Variants in RPP38 observed in about 807,000 individuals in gnomAD.
The protein encoded by RPP38 is ribonuclease P protein subunit p38.
Under a neutral mutation model 1.7 loss-of-function variants are expected in RPP38, and 2 were observed. The observed-to-expected ratio is 1.18, with a 90% CI of 0.48 to 3.70. RPP38 has a LOEUF of 3.70. Ranked by LOEUF, RPP38 falls within the 30% of genes most tolerant of loss-of-function variation. The probability of loss-of-function intolerance (pLI) is 0.07; values close to 1 mark genes in which losing one functional copy is unlikely to be tolerated. For synonymous variants in RPP38, 151 were observed against 131.8 expected (o/e 1.15, Z -1.00); for missense variants, 358 against 340.1 (o/e 1.05, Z -0.41).
At chr10:15,100,720 G>A (rs1007643493) in intron 1 of RPP38, among the ~76,000 whole-genome samples, 12 of 150,390 alleles carry the variant, frequency 8.0e-5, no homozygotes, top group Admixed American at 2.7e-4. Context: ...TCTTGCTGTC[G>A]CCCAGGCTAG....
At chr10:15,101,568 G>C (rs990070750) in intron 1 of RPP38, among the ~76,000 whole-genome samples, 1 of 152,134 alleles carries the variant, frequency 6.6e-6, no homozygotes, top group Non-Finnish European at 1.5e-5. Flanking sequence ...GGAATTGCCA[G>C]CCAGAGAAGT....
chr10:15,101,781 T>C (rs1001988785), intron 1 of RPP38, among the ~76,000 whole-genome samples: 3 of 152,012 alleles, frequency 2.0e-5, no homozygotes, highest in South Asian at 2.1e-4. Context: ...TCCCAGCTAC[T>C]CCGGAGGCTG....
At position 15,098,256 on chromosome 10, in the gene RPP38, TAGCAGTCGCCCAGGCTGG is replaced by T. The variant is rs1459145878; in HGVS notation, c.-130+493_-130+510del. On this transcript the variant is annotated intron_variant, in intron 1 of 2. Coordinates refer to ENST00000378197, the MANE Select transcript of RPP38 (RefSeq NM_183005.5). ...TTTTTTTTTTTTTTTTTTTGAGACATAGCAGTCGCCCAGGCTGGAGTGCAGTGGCGCGATTCCGGCTCA... is the reference window on the plus strand; with the variant it reads ...TTTTTTTTTTTTTTTTTTTGAGACATAGTGCAGTGGCGCGATTCCGGCTCA... Among the ~76,000 whole-genome samples, 8 of 112,204 alleles carry T rather than the reference TAGCAGTCGCCCAGGCTGG, an allele frequency of 7.1e-5. No individual in the cohort carries two copies. In the East Asian group the frequency reaches 2.1e-3, roughly 29 times the overall value. The allele number at this position is 112,204 out of a possible 152,430, so 73.6% of individuals were successfully genotyped here. A position where few individuals can be genotyped will look rare whatever the true frequency, so the allele number is the denominator to read the frequency against.
chr10:15,103,723 T>A lies in RPP38; in HGVS notation c.409T>A (p.Ser137Thr). ...RELLLVLVCK[S>T]VKPAMITSHL... ...ACTGCTGTTAGTTCTGGTGTGTAAA[T>A]CAGTCAAGCCTGCCATGATCACCTC... The change falls in exon 3 of 3, where the codon TCA (serine) becomes ACA (threonine). Residue 137 changes from serine to threonine, a missense_variant. Coordinates refer to ENST00000378197, the MANE Select transcript of RPP38 (RefSeq NM_183005.5). 6.2e-7 allele frequency: 1 copy of A among 1,613,860 alleles called. No homozygotes were observed. The highest frequency in any genetic ancestry group is 1.6e-4 in the Middle Eastern group (1 of 6,062).
chr10:15,101,397 T>G (rs1482066124), intron 1 of RPP38, among the ~76,000 whole-genome samples: 1 of 152,108 alleles, frequency 6.6e-6, no homozygotes, highest in South Asian at 2.1e-4. Context: ...GGAAGAAAAC[T>G]GAGGGAAGAG....
Position 15,097,398 on chromosome 10 carries a change from C to G in RPP38, c.-498C>G, listed in dbSNP as rs1231981244. The G allele has an allele frequency of 2.6e-5, 4 of 152,330 alleles. No individual in the cohort carries two copies. Among genetic ancestry groups the G allele is most frequent in the South Asian group, 4.1e-4 (2 of 4,840 alleles). 9.4% of individuals were successfully genotyped at this position (152,330 alleles called of 1,614,324 possible). ...CTTCAGGTGACCACGGATTCGCCAT[C>G]GTGAGTTCCAGGTGGGCGCGCGGGG... On this transcript the variant is annotated 5_prime_UTR_variant, in exon 1 of 3. In the 5' UTR this introduces an upstream ATG that the reference lacks. Coordinates refer to ENST00000378197, the MANE Select transcript of RPP38 (RefSeq NM_183005.5).
intron 1 of RPP38, among the ~76,000 whole-genome samples, chr10:15,098,939 C>G (rs1051988516): frequency 3.3e-5 from 5 of 151,900 alleles, no homozygotes; most frequent in Admixed American, 2.6e-4. Flanking sequence ...TTCCCACCCC[C>G]CTCAACTAAG....
intron 1 of RPP38, among the ~76,000 whole-genome samples, chr10:15,101,344 C>T (rs930742238): frequency 1.3e-5 from 2 of 152,176 alleles, no homozygotes; most frequent in Non-Finnish European, 2.9e-5. Flanking sequence ...TTTAGTTTTG[C>T]CAGGTGGGTC....
At chr10:15,097,934 A>T (rs1844990204) in intron 1 of RPP38, among the ~76,000 whole-genome samples, 168 bp downstream of exon 1, 1 of 152,086 alleles carries the variant, frequency 6.6e-6, no homozygotes, top group Non-Finnish European at 1.5e-5. Flanking sequence ...TTTTCCGACT[A>T]ACATGTATTT....
In RPP38 at chr10:15,104,031, G is replaced by T; in HGVS notation, c.717G>T (p.Leu239=). Residue 239 remains leucine, a synonymous_variant, in exon 3 of 3, where the codon CTG becomes CTT. Transcript: ENST00000378197. ...RELLDTSFED[L]SKPKRKLADG... ...TTTTGGACACTTCATTTGAAGATCT[G>T]TCAAAACCTAAGAGAAAGCTTGCTG... The T allele has an allele frequency of 1.9e-6, 3 of 1,614,136 alleles. No homozygotes were observed. Among genetic ancestry groups the T allele is most frequent in the Non-Finnish European group, 2.5e-6 (3 of 1,180,014 alleles).
intron 2 of RPP38, 99 bp from the exon 3 acceptor site, chr10:15,103,206 A>G (rs1845169449): frequency 9.7e-6 from 11 of 1,131,124 alleles, no homozygotes; most frequent in South Asian, 1.7e-5. Context: ...AAATAAATAC[A>G]TAAATAAATA....
At position 15,104,008 on chromosome 10, in the gene RPP38, T is replaced by G; in HGVS notation, c.694T>G (p.Leu232Val). The change falls in exon 3 of 3, where the codon TTG (leucine) becomes GTG (valine). Residue 232 changes from leucine (L) to valine (V), a missense_variant. Transcript: ENST00000378197. ...EPLESQDRELLDTSFEDLSKP... is the reference protein window; with the variant it reads ...EPLESQDRELVDTSFEDLSKP... ...TCTGGAAAGCCAAGACAGAGAGCTT[T>G]TGGACACTTCATTTGAAGATCTGTC... 6.2e-7 allele frequency: 1 copy of G among 1,614,132 alleles called. No individual in the cohort carries two copies. The highest frequency in any genetic ancestry group is 2.2e-5 in the East Asian group (1 of 44,886).
chr10:15,103,384 T>A lies in RPP38; in HGVS notation c.70T>A (p.Ser24Thr). The change falls in exon 3 of 3, where the codon TCG becomes ACG. Residue 24 changes from serine (S) to threonine (T), a missense_variant. Coordinates refer to ENST00000378197, the MANE Select transcript of RPP38 (RefSeq NM_183005.5). ...RKTRPLVVKT[S>T]LNNPYIIRWS... is the part of the protein sequence containing the mutation. Reference sequence around the variant, plus strand: ...GACGAGACCTCTGGTTGTGAAGACGTCGTTGAACAACCCATACATCATCCG... The same window carrying A: ...GACGAGACCTCTGGTTGTGAAGACGACGTTGAACAACCCATACATCATCCG... 6.2e-7 allele frequency: 1 copy of A among 1,613,730 alleles called. No homozygotes were observed. Among genetic ancestry groups the A allele is most frequent in the Non-Finnish European group, 8.5e-7 (1 of 1,179,900 alleles).
rs1434795967 is a variant in RPP38 at position 15,103,486 on chromosome 10, C to G, written c.172C>G (p.Gln58Glu). 2 of 1,613,996 alleles carry G rather than the reference C, an allele frequency of 1.2e-6. No individual in the cohort carries two copies. The highest frequency in any genetic ancestry group is 2.7e-5 in the African/African-American group (2 of 75,008). The change falls in exon 3 of 3, where the codon CAG becomes GAG. Residue 58 changes from glutamine to glutamate, a missense_variant. Physicochemically the swap from Gln to Glu is conservative, Grantham distance 29. Transcript: ENST00000378197. ...GGACAGGCTTAAAGCTATTGGACTT[C>G]AGAAGATTGAAGATAAGAAGAAAAA... ...LEDRLKAIGL[Q>E]KIEDKKKKNK...
At chr10:15,101,829 G>A (rs1845116800) in intron 1 of RPP38, among the ~76,000 whole-genome samples, 1 of 152,136 alleles carries the variant, frequency 6.6e-6, no homozygotes. Context: ...GGCAGAGGTT[G>A]CAATAAGCTG....
At chr10:15,100,466 G>C (rs1488046519) in intron 1 of RPP38, among the ~76,000 whole-genome samples, 1 of 152,118 alleles carries the variant, frequency 6.6e-6, no homozygotes, top group Non-Finnish European at 1.5e-5. Context: ...AAGCAGCTTA[G>C]GCCCCAGAAG....
rs1465223911 is a variant in RPP38 at position 15,104,126 on chromosome 10, T to A, written c.812T>A (p.Ile271Lys). The A allele has an allele frequency of 6.3e-7, 1 of 1,577,006 alleles. No homozygotes were observed. Among genetic ancestry groups the A allele is most frequent in the East Asian group, 2.2e-5 (1 of 44,640 alleles). ...IKKLIPNPNKIRKPPKSKKAT... is the reference protein window; with the variant it reads ...IKKLIPNPNKKRKPPKSKKAT... ...AAACTGATTCCAAACCCTAATAAGA[T>A]AAGGAAACCACCCAAAAGTAAAAAA... The change falls in exon 3 of 3, where the codon ATA becomes AAA. Residue 271 changes from isoleucine (I) to lysine (K), a missense_variant. Transcript: ENST00000378197.
intron 1 of RPP38, among the ~76,000 whole-genome samples, chr10:15,100,176 C>A (rs190123213): frequency 2.0e-5 from 3 of 152,142 alleles, no homozygotes; most frequent in Admixed American, 6.5e-5. Flanking sequence ...AGTTTATAGC[C>A]TGTTTTGTGA....
rs370750357 is a variant in RPP38, at chr10:15,103,802, G to C, written c.488G>C (p.Arg163Pro). ...SRSVPACQVP[R>P]LSERIAPVIG... ...AGTGTCCCTGCCTGTCAGGTCCCCC[G>C]GCTCAGTGAGAGAATCGCCCCCGTC... The change falls in exon 3 of 3, where the codon CGG (arginine) becomes CCG (proline). Residue 163 changes from arginine (R) to proline (P), a missense_variant. Arg to Pro is a moderately radical substitution (Grantham distance 103, BLOSUM62 -2). Coordinates refer to ENST00000378197, the MANE Select transcript of RPP38 (RefSeq NM_183005.5). 1.2e-6 allele frequency: 2 copies of C among 1,613,976 alleles called. No homozygotes were observed. The highest frequency in any genetic ancestry group is 2.2e-5 in the East Asian group (1 of 44,866).
Sources: allele counts gnomAD v4.1 joint callset (sites outside exome capture counted in the v4.1 genomes callset), GRCh38; gene constraint gnomAD v4.1.1; transcripts MANE v1.5; gene names NCBI Gene and HGNC (gene_info 2026-07-23, HGNC 2026-07-21).